SLC12A5: variants seen among roughly 807,000 people sequenced by gnomAD.
SLC12A5 encodes the protein solute carrier family 12 member 5, also known as K-Cl cotransporter 2.
In SLC12A5, 18 loss-of-function variants were observed where a neutral mutation model predicts 124.0. The observed-to-expected ratio is 0.15, with a 90% CI of 0.10 to 0.22. The LOEUF is 0.22. SLC12A5 is among the 10% of genes least tolerant of loss of function. The probability of loss-of-function intolerance (pLI) is 1.00; values close to 1 mark genes in which losing one functional copy is unlikely to be tolerated. For synonymous variants in SLC12A5, 589 were observed against 568.0 expected (o/e 1.04, Z -0.53); for missense variants, 867 against 1,478.7 (o/e 0.59, Z 6.78).
intron 6 of SLC12A5, among the ~76,000 whole-genome samples, 181 bp from the exon 7 acceptor site, chr20:46,040,192 G>A (rs2084533025): frequency 6.6e-6 from 1 of 152,190 alleles, no homozygotes; most frequent in Non-Finnish European, 1.5e-5. Flanking sequence ...TTAAATGGCT[G>A]CATCATAGTC....
intron 14 of SLC12A5, 139 bp from the exon 15 acceptor site, chr20:46,047,315 G>A: frequency 9.3e-7 from 1 of 1,070,356 alleles, no homozygotes; most frequent in South Asian, 1.6e-5. Flanking sequence ...TGGGGATGAT[G>A]GTGTGAGTTC....
Position 46,056,604 on chromosome 20 carries a change from C to T in SLC12A5, c.3110+40C>T, listed in dbSNP as rs1038161460. 2 of 1,587,676 alleles carry T rather than the reference C, an allele frequency of 1.3e-6. No homozygotes were observed. The highest frequency in any genetic ancestry group is 1.8e-5 in the Admixed American group (1 of 56,716). ...GCTAAGGGCTGGGGGCTGGGGTGAG[C>T]TAAAGGGTCTTGCTCCCCATGGCAG... On this transcript the variant is annotated intron_variant, in intron 23 of 25. Coordinates refer to ENST00000243964, the MANE Select transcript of SLC12A5 (RefSeq NM_020708.5). This position sits in a 1 kb window ranked among gnomAD's most constrained non-coding sequence, Gnocchi z 4.3.
At chr20:46,034,541 A>C (rs1268225961) in intron 1 of SLC12A5, among the ~76,000 whole-genome samples, 1 of 152,210 alleles carries the variant, frequency 6.6e-6, no homozygotes, top group Non-Finnish European at 1.5e-5. Context: ...AGAGGGGGTC[A>C]CTTCTTCAAG....
Position 46,057,626 on chromosome 20 carries a change from G to T in SLC12A5, c.*21G>T. On this transcript the variant is annotated 3_prime_UTR_variant, in exon 26 of 26. Coordinates refer to ENST00000243964, the MANE Select transcript of SLC12A5 (RefSeq NM_020708.5). This position sits in a 1 kb window ranked among gnomAD's most constrained non-coding sequence, Gnocchi z 7.1. ...CCTGAGAACCAGGACCTGCCACCCG[G>T]GCCCGAGCGCGCCCGGCCCGCGGCT... The T allele has an allele frequency of 6.3e-7, 1 of 1,598,466 alleles. No individual in the cohort carries two copies.
upstream of SLC12A5, among the ~76,000 whole-genome samples, chr20:46,024,672 G>T (rs2084381974): frequency 6.6e-6 from 1 of 152,218 alleles, no homozygotes; most frequent in Non-Finnish European, 1.5e-5. Context: ...TGCTGCCAGA[G>T]GATGAGCCAT....
Position 46,059,627 on chromosome 20 carries a change from C to T in SLC12A5, c.*2022C>T, listed in dbSNP as rs879109569. 4.3e-5 allele frequency: 17 copies of T among 398,926 alleles called. No homozygotes were observed. In the Middle Eastern group the frequency reaches 3.7e-3, roughly 87 times the overall value. The allele number at this position is 398,926 out of a possible 1,614,324, so 24.7% of individuals were successfully genotyped here. A position where few individuals can be genotyped will look rare whatever the true frequency, so the allele number is the denominator to read the frequency against. On this transcript the variant is annotated 3_prime_UTR_variant, in exon 26 of 26. Coordinates refer to ENST00000243964, the MANE Select transcript of SLC12A5 (RefSeq NM_020708.5). ...GTCTGGTTGGCAAGAGCAAAGTTTC[C>T]GTTGATGAAACAGACATCCCACAAC...
intron 20 of SLC12A5, among the ~76,000 whole-genome samples, chr20:46,054,234 G>T (rs2084671124): frequency 1.3e-5 from 2 of 151,834 alleles, no homozygotes; most frequent in South Asian, 2.1e-4. Context: ...GGAAGTATTT[G>T]TGTGTCTAAA....
At chr20:46,054,727 T>G (rs1427497167) in intron 20 of SLC12A5, among the ~76,000 whole-genome samples, 189 bp from the exon 21 acceptor site, 1 of 152,222 alleles carries the variant, frequency 6.6e-6, no homozygotes, top group Non-Finnish European at 1.5e-5. Flanking sequence ...GCAAGAGCAT[T>G]GCCCTCTCTG....
At position 46,056,934 on chromosome 20, in the gene SLC12A5, A is replaced by G; in HGVS notation, c.3125+23A>G. The G allele has an allele frequency of 6.2e-7, 1 of 1,613,602 alleles. No homozygotes were observed. Among genetic ancestry groups the G allele is most frequent in the Non-Finnish European group, 8.5e-7 (1 of 1,179,870 alleles). On this transcript the variant is annotated intron_variant, in intron 24 of 25. Transcript: ENST00000243964. The surrounding 1 kb of genome is among the most constrained non-coding windows in gnomAD (Gnocchi z 4.3). Reference sequence around the variant, plus strand: ...CTTGTAAGTGCTTCAGCATTTTTTCATTCTCTCTCCTAGGATGGCCAGGGT... The same window carrying G: ...CTTGTAAGTGCTTCAGCATTTTTTCGTTCTCTCTCCTAGGATGGCCAGGGT...
At chr20:46,040,737 G>A in intron 7 of SLC12A5, 123 bp downstream of exon 7, 1 of 1,440,624 alleles carries the variant, frequency 6.9e-7, no homozygotes, top group Non-Finnish European at 9.3e-7. Flanking sequence ...GTTGGGAGTA[G>A]CTTCCCTTGG....
rs1175769691 is a variant in SLC12A5, at chr20:46,056,941, C to T, written c.3125+30C>T. ...GTGCTTCAGCATTTTTTCATTCTCTCTCCTAGGATGGCCAGGGTCCCTACC... is the reference window on the plus strand; with the variant it reads ...GTGCTTCAGCATTTTTTCATTCTCTTTCCTAGGATGGCCAGGGTCCCTACC... On this transcript the variant is annotated intron_variant, in intron 24 of 25. Transcript: ENST00000243964. This position sits in a 1 kb window ranked among gnomAD's most constrained non-coding sequence, Gnocchi z 4.3. 1 of 1,613,996 alleles carries T rather than the reference C, an allele frequency of 6.2e-7. No individual in the cohort carries two copies. Among genetic ancestry groups the T allele is most frequent in the Non-Finnish European group, 8.5e-7 (1 of 1,179,956 alleles).
intron 7 of SLC12A5, 184 bp from the exon 8 acceptor site, chr20:46,041,145 A>G: frequency 1.8e-6 from 1 of 553,592 alleles, no homozygotes; most frequent in Non-Finnish European, 3.2e-6. Flanking sequence ...GCTTATTAGA[A>G]TCACTTGGGG....
intron 6 of SLC12A5, among the ~76,000 whole-genome samples, chr20:46,040,044 T>C (rs551470383): frequency 2.2e-4 from 33 of 152,326 alleles, no homozygotes; most frequent in African/African-American, 7.5e-4. Context: ...GTATTTTTAT[T>C]TGTTTTTGAG....
upstream of SLC12A5, among the ~76,000 whole-genome samples, chr20:46,028,155 G>A (rs1255052290): frequency 1.3e-5 from 2 of 152,158 alleles, no homozygotes; most frequent in Non-Finnish European, 1.5e-5. Flanking sequence ...AGGGAAGAGG[G>A]GAGGAGGACA....
upstream of SLC12A5, chr20:46,021,824 A>C: frequency 6.5e-7 from 1 of 1,533,888 alleles, no homozygotes; most frequent in Non-Finnish European, 8.7e-7. Flanking sequence ...AGAAGCCCTG[A>C]CCCAGAGTCC....
intron 11 of SLC12A5, among the ~76,000 whole-genome samples, chr20:46,044,575 G>A (rs1027868295): frequency 2.6e-5 from 4 of 152,132 alleles, no homozygotes; most frequent in Non-Finnish European, 2.9e-5. Context: ...AAATGTGTGC[G>A]CATGCCTGCA....
At chr20:46,024,735 C>G (rs2084382384), upstream of SLC12A5, among the ~76,000 whole-genome samples, 2 of 152,244 alleles carry the variant, frequency 1.3e-5, no homozygotes, top group Admixed American at 1.3e-4. Flanking sequence ...GGCCAAGCCT[C>G]AAATCTGCCA....
chr20:46,051,863 C>T lies in SLC12A5; in HGVS notation c.2370C>T (p.Asn790=). The T allele has an allele frequency of 7.7e-7, 1 of 1,299,924 alleles. No homozygotes were observed. Among genetic ancestry groups the T allele is most frequent in the Non-Finnish European group, 1.0e-6 (1 of 982,884 alleles). 80.5% of individuals were successfully genotyped at this position (1,299,924 alleles called of 1,614,324 possible). A position where few individuals can be genotyped will look rare whatever the true frequency, so the allele number is the denominator to read the frequency against. The stretch of plus-strand genomic sequence containing the variant: ...AGGAAGATCATCAGACGTGGAGGAA[C>T]TTCATTGGTAACGCTATTGGGGGCT... ...RQKEDHQTWR[N]FIELVRETTA... Residue 790 remains asparagine (N), a synonymous_variant, in exon 18 of 26, where the codon AAC becomes AAT. Coordinates refer to ENST00000243964, the MANE Select transcript of SLC12A5 (RefSeq NM_020708.5).
In SLC12A5 at chr20:46,053,512, G is replaced by A; in HGVS notation, c.2548-66G>A. Reference sequence around the variant, plus strand: ...AAGAGGGGAAGGGTGAGCGGACAGGGCCTGGCCCTGGATCTCCTCATCACA... The same window carrying A: ...AAGAGGGGAAGGGTGAGCGGACAGGACCTGGCCCTGGATCTCCTCATCACA... On this transcript the variant is annotated intron_variant, in intron 19 of 25. Transcript: ENST00000243964. The surrounding 1 kb of genome is among the most constrained non-coding windows in gnomAD (Gnocchi z 4.7). The A allele has an allele frequency of 6.3e-7, 1 of 1,599,126 alleles. No individual in the cohort carries two copies. The highest frequency in any genetic ancestry group is 8.5e-7 in the Non-Finnish European group (1 of 1,173,854).
Sources: allele counts gnomAD v4.1 joint callset (sites outside exome capture counted in the v4.1 genomes callset), GRCh38; gene constraint gnomAD v4.1.1; non-coding constraint Gnocchi (gnomAD v3.1); transcripts MANE v1.5; gene names NCBI Gene and HGNC (gene_info 2026-07-23, HGNC 2026-07-21).